Variants in CEP152 observed in about 807,000 individuals in gnomAD.
CEP152 encodes the protein centrosomal protein 152.
CEP152 carries 132 observed loss-of-function variants against 188.9 expected under a neutral mutation model. The observed-to-expected ratio is 0.70, with a 90% CI of 0.61 to 0.81. The LOEUF (loss-of-function observed/expected upper bound fraction) is 0.81, where lower values mean the gene tolerates loss of function less well. Among genes scored for constraint, CEP152 ranks in the 30% least tolerant of loss-of-function variants. The pLI is 0.00. For missense variants in CEP152, 1,914 were observed against 1,969.8 expected (o/e 0.97, Z 0.54); for synonymous variants, 649 against 666.6 (o/e 0.97, Z 0.41).
intron 2 of CEP152, among the ~76,000 whole-genome samples, chr15:48,730,162 C>A (rs1441411802): frequency 6.6e-6 from 1 of 152,162 alleles, no homozygotes; most frequent in Admixed American, 6.5e-5. Flanking sequence ...CCATTCCGCT[C>A]CCCAGCTTGA....
chr15:48,762,351 G>A, intron 18 of CEP152, 40 bp downstream of exon 18: 1 of 1,552,718 alleles, frequency 6.4e-7, no homozygotes, highest in East Asian at 2.2e-5. Flanking sequence ...TAAGAGACAG[G>A]CAGTTCCAAT....
intron 2 of CEP152, among the ~76,000 whole-genome samples, chr15:48,798,370 A>G (rs1897461056): frequency 6.6e-6 from 1 of 152,094 alleles, no homozygotes; most frequent in South Asian, 2.1e-4. Flanking sequence ...TCAATGCATT[A>G]TGTTATCACA....
intron 9 of CEP152, among the ~76,000 whole-genome samples, chr15:48,787,264 C>CTTG (rs141536057): frequency 0.033 from 4,905 of 150,426 alleles, 98 homozygotes; most frequent in Middle Eastern, 0.055. Flanking sequence ...ACCTCCTGAG[C>CTTG]TCAAGCAATC....
chr15:48,791,412 C>T, intron 7 of CEP152, 36 bp from the exon 8 acceptor site: 3 of 1,583,712 alleles, frequency 1.9e-6, no homozygotes, highest in Non-Finnish European at 1.7e-6. Flanking sequence ...AATAATGTTC[C>T]TGTAGAGGGA....
At chr15:48,777,619 T>A (rs1339742781) in intron 12 of CEP152, among the ~76,000 whole-genome samples, 2 of 151,878 alleles carry the variant, frequency 1.3e-5, no homozygotes, top group Non-Finnish European at 2.9e-5. Context: ...ATATATATAT[T>A]TTGTAAGTAG....
intron 8 of CEP152, among the ~76,000 whole-genome samples, chr15:48,789,473 T>C (rs933611326): frequency 1.3e-5 from 2 of 152,254 alleles, no homozygotes; most frequent in African/African-American, 4.8e-5. Flanking sequence ...ACAGTTGGTA[T>C]TGTAGGCAAA....
chr15:48,789,135 C>G (rs78033540), intron 8 of CEP152, 134 bp from the exon 9 acceptor site: 4 of 805,828 alleles, frequency 5.0e-6, no homozygotes, highest in African/African-American at 1.7e-5. Flanking sequence ...AAGGGGTCTC[C>G]GCTCATCATG....
At position 48,768,120 on chromosome 15, in the gene CEP152, C is replaced by G. The variant is rs1328177631; in HGVS notation, c.2018+99G>C. 6.4e-5 allele frequency: 49 copies of G among 760,042 alleles called. No homozygotes were observed. In the Middle Eastern group the frequency reaches 6.8e-4, roughly 11 times the overall value. The allele number at this position is 760,042 out of a possible 1,614,324, so 47.1% of individuals were successfully genotyped here. ...TCCAAGATCTCAACAGGGTAGAAAT[C>G]ACTCAATCATTTTGAATCTTTTTGT... is the stretch of plus-strand genomic sequence containing the variant. On this transcript the variant is annotated intron_variant, in intron 15 of 26. Coordinates refer to ENST00000380950, the MANE Select transcript of CEP152 (RefSeq NM_001194998.2).
rs16961610 is a variant in CEP152, at chr15:48,767,886, G to T, written c.2018+333C>A. On this transcript the variant is annotated intron_variant, in intron 15 of 26. Transcript: ENST00000380950. ...AGTCTGTTTCCAAGTTTATGATTTG[G>T]TATTTGGAAGACATATTCCCTCTCA... 0.037 allele frequency among the ~76,000 whole-genome samples: 5,663 copies of T among 152,156 alleles called. 357 individuals are homozygous for T. Among genetic ancestry groups the T allele is most frequent in the East Asian group, 0.16 (805 of 5,182 alleles).
chr15:48,773,387 T>C (rs1332829151), intron 12 of CEP152: 1 of 152,640 alleles, frequency 6.6e-6, no homozygotes, highest in East Asian at 1.9e-4. Flanking sequence ...AGCTCTAAGA[T>C]TACCCCAGCT....
intron 9 of CEP152, among the ~76,000 whole-genome samples, chr15:48,784,356 C>T (rs1380244093): frequency 6.6e-6 from 1 of 152,092 alleles, no homozygotes; most frequent in African/African-American, 2.4e-5. Context: ...AATTAGGTGC[C>T]TTCTAAAGTC....
At chr15:48,807,993 G>C (rs1595711928) in intron 1 of CEP152, among the ~76,000 whole-genome samples, 1 of 151,872 alleles carries the variant, frequency 6.6e-6, no homozygotes, top group South Asian at 2.1e-4. Context: ...AAAAATACCT[G>C]AAAAGACCAA....
Position 48,756,453 on chromosome 15 carries a change from T to C in CEP152, c.2795A>G (p.His932Arg). Residue 932 changes from histidine to arginine, a missense_variant, in exon 20 of 27, where the codon CAT (histidine) becomes CGT (arginine). Transcript: ENST00000380950. ...TAACTCAAGTTCCTTCTGAAGAGAA[T>C]GAATCTTCTCTTCCAATTCCTTTCC... ...LPGKELEEKI[H>R]SLQKELELKN... is the part of the protein sequence containing the mutation. The C allele has an allele frequency of 1.2e-6, 2 of 1,613,688 alleles. No individual in the cohort carries two copies. Among genetic ancestry groups the C allele is most frequent in the Non-Finnish European group, 1.7e-6 (2 of 1,179,828 alleles).
intron 2 of CEP152, among the ~76,000 whole-genome samples, chr15:48,802,797 G>A (rs1897757507): frequency 1.3e-5 from 2 of 152,168 alleles, no homozygotes; most frequent in African/African-American, 4.8e-5. Context: ...GGAGAGAATA[G>A]AAATGGAAAA....
At chr15:48,799,760 A>T (rs1404155426) in intron 2 of CEP152, among the ~76,000 whole-genome samples, 1 of 152,220 alleles carries the variant, frequency 6.6e-6, no homozygotes, top group East Asian at 1.9e-4. Context: ...GACATGCCTC[A>T]AATGAAAGGT....
intron 20 of CEP152, 124 bp downstream of exon 20, chr15:48,755,779 C>T (rs1894212275): frequency 6.5e-7 from 1 of 1,532,028 alleles, no homozygotes; most frequent in Admixed American, 2.1e-5. Context: ...CTTTTTTAAA[C>T]CACTGACAAA....
chr15:48,793,049 T>G (rs1897085566), intron 7 of CEP152, among the ~76,000 whole-genome samples: 1 of 152,146 alleles, frequency 6.6e-6, no homozygotes, highest in Non-Finnish European at 1.5e-5. Flanking sequence ...TTTGAACTCC[T>G]GATCTCAAGT....
rs180899228 is a variant in CEP152, at chr15:48,762,277, G to A, written c.2562+114C>T. On this transcript the variant is annotated intron_variant, in intron 18 of 26. Transcript: ENST00000380950. ...ATGACAGGTTTTCTATCCTAGAAAT[G>A]CACAAAATCTTAAAAGTATAAAGTT... 4 of 1,060,032 alleles carry A rather than the reference G, an allele frequency of 3.8e-6. No individual in the cohort carries two copies. In the African/African-American group the frequency reaches 6.3e-5, roughly 17 times the overall value. 65.7% of individuals were successfully genotyped at this position (1,060,032 alleles called of 1,614,324 possible). A position where few individuals can be genotyped will look rare whatever the true frequency, so the allele number is the denominator to read the frequency against.
At position 48,756,126 on chromosome 15, in the gene CEP152, T is replaced by C. The variant is rs985110567; in HGVS notation, c.3122A>G (p.Gln1041Arg). ...EAKRIQLEIY[Q>R]YEEDILTVLG... is the part of the protein sequence containing the mutation. ...TACAGTCAGGATGTCTTCCTCATAC[T>C]GATAGATTTCCAGTTGGATCCGCTT... is the stretch of plus-strand genomic sequence containing the variant. The change falls in exon 20 of 27, where the codon CAG (glutamine) becomes CGG (arginine). Residue 1041 changes from glutamine to arginine, a missense_variant. Coordinates refer to ENST00000380950, the MANE Select transcript of CEP152 (RefSeq NM_001194998.2). 4 of 1,614,152 alleles carry C rather than the reference T, an allele frequency of 2.5e-6. No homozygotes were observed. The African/African-American group carries it at 5.3e-5, about 22-fold the overall frequency.
Sources: gnomAD v4.1 joint callset for allele counts (sites outside exome capture counted in the v4.1 genomes callset) on GRCh38, gnomAD v4.1.1 for gene constraint, MANE v1.5 for transcripts, NCBI Gene and HGNC (gene_info 2026-07-23, HGNC 2026-07-21) for gene names.